Variants in DDX42 observed in about 807,000 individuals in gnomAD.
DDX42 encodes the protein ATP-dependent RNA helicase DDX42.
A neutral mutation model predicts 101.5 loss-of-function variants in DDX42; 22 were observed. The observed-to-expected ratio is 0.22, with a 90% CI of 0.15 to 0.31. The LOEUF (loss-of-function observed/expected upper bound fraction) is 0.31. Ranked by LOEUF, DDX42 falls within the 10% of genes least tolerant of loss-of-function variation. The pLI is 1.00. For missense variants in DDX42, 849 were observed against 1,199.9 expected, an observed-to-expected ratio of 0.71 and a Z score of 4.32; for synonymous variants, 402 against 401.2, an observed-to-expected ratio of 1.00 and a Z score of -0.02.
At chr17:63,777,450 CTT>C (rs1336711645) in intron 1 of DDX42, among the ~76,000 whole-genome samples, 24 of 139,156 alleles carry the variant, frequency 1.7e-4, no homozygotes, top group Non-Finnish European at 2.2e-4. Flanking sequence ...CTTTTTCTTT[CTT>C]TTTTTTTTTT....
At chr17:63,809,893 TTC>T (rs762018149) in intron 11 of DDX42, among the ~76,000 whole-genome samples, 2 of 152,216 alleles carry the variant, frequency 1.3e-5, no homozygotes, top group African/African-American at 4.8e-5. Flanking sequence ...GGGGAATATT[TTC>T]TCTGTCTTCA....
intron 1 of DDX42, among the ~76,000 whole-genome samples, chr17:63,786,262 G>C (rs1441323276): frequency 6.6e-6 from 1 of 152,108 alleles, no homozygotes; most frequent in Non-Finnish European, 1.5e-5. Context: ...TTAAGAGACA[G>C]GATTTCACTA....
chr17:63,794,627 C>A (rs941772760), intron 3 of DDX42, among the ~76,000 whole-genome samples: 1 of 143,374 alleles, frequency 7.0e-6, no homozygotes, highest in Non-Finnish European at 1.5e-5. Context: ...ATAGTGAGAC[C>A]CTGTCTATAA....
chr17:63,793,077 T>C (rs1418427085), intron 3 of DDX42, among the ~76,000 whole-genome samples: 1 of 152,200 alleles, frequency 6.6e-6, no homozygotes, highest in Non-Finnish European at 1.5e-5. Context: ...CTTTCTGTTT[T>C]CTGTTTGTTT....
chr17:63,806,354 A>G, intron 7 of DDX42, 181 bp from the exon 8 acceptor site: 1 of 437,866 alleles, frequency 2.3e-6, no homozygotes, highest in Non-Finnish European at 3.8e-6. Flanking sequence ...AGTTTTTAAT[A>G]TGAGGTTTAT....
chr17:63,813,411 C>G lies in DDX42; in HGVS notation c.1859C>G (p.Ala620Gly). 1.2e-6 allele frequency: 2 copies of G among 1,614,116 alleles called. No individual in the cohort carries two copies. The highest frequency in any genetic ancestry group is 1.3e-5 in the African/African-American group (1 of 75,018). ...AGDLVRNLEG[A>G]NQHVSKELLD... ...GACCTGGTCCGGAACTTGGAAGGAG[C>G]CAATCAACACGTTTCTAAGGAACTC... Residue 620 changes from alanine to glycine, a missense_variant, in exon 15 of 18, where the codon GCC (alanine) becomes GGC (glycine). Ala to Gly is a moderately conservative substitution (Grantham distance 60). Around this residue, in one of 5 missense-constraint regions of DDX42, gnomAD observed 86 missense variants for 160.8 expected, o/e 0.53. Coordinates refer to ENST00000389924, the MANE Select transcript of DDX42 (RefSeq NM_203499.3).
chr17:63,778,059 G>T (rs963161709), intron 1 of DDX42, among the ~76,000 whole-genome samples: 4 of 152,186 alleles, frequency 2.6e-5, no homozygotes, highest in African/African-American at 9.7e-5. Context: ...AGAAATGTGT[G>T]TTCTGGAAGA....
chr17:63,813,380 G>A lies in DDX42; in HGVS notation c.1828G>A (p.Ala610Thr). 1 of 1,614,156 alleles carries A rather than the reference G, an allele frequency of 6.2e-7. No individual in the cohort carries two copies. The highest frequency in any genetic ancestry group is 2.2e-5 in the East Asian group (1 of 44,884). Residue 610 changes from alanine (A) to threonine (T), a missense_variant, in exon 15 of 18, where the codon GCT (alanine) becomes ACT (threonine). By Grantham distance (58) the Ala-to-Thr change is moderately conservative. Around this residue, in one of 5 missense-constraint regions of DDX42, gnomAD observed 86 missense variants for 160.8 expected, o/e 0.53. Coordinates refer to ENST00000389924, the MANE Select transcript of DDX42 (RefSeq NM_203499.3). ...ACTCACTCCCAAGGACAGCAATTTT[G>A]CTGGTGACCTGGTCCGGAACTTGGA... ...TLLTPKDSNFAGDLVRNLEGA... is the reference protein window; with the variant it reads ...TLLTPKDSNFTGDLVRNLEGA...
intron 1 of DDX42, among the ~76,000 whole-genome samples, chr17:63,781,651 C>G (rs1462736452): frequency 2.0e-5 from 3 of 152,156 alleles, no homozygotes; most frequent in South Asian, 2.1e-4. Context: ...AATCCCTGTT[C>G]CATCTGAAGT....
At chr17:63,799,149 A>G (rs753095987) in intron 4 of DDX42, among the ~76,000 whole-genome samples, 1 of 152,170 alleles carries the variant, frequency 6.6e-6, no homozygotes, top group African/African-American at 2.4e-5. Context: ...GCTGAAAACC[A>G]TTTACCCTAG....
chr17:63,791,300 C>G (rs972683110), intron 2 of DDX42, among the ~76,000 whole-genome samples: 4 of 152,006 alleles, frequency 2.6e-5, no homozygotes, highest in African/African-American at 9.7e-5. Flanking sequence ...TTGGATTGAG[C>G]ATTTATTTTC....
chr17:63,804,910 A>C, intron 6 of DDX42, 161 bp from the exon 7 acceptor site: 1 of 813,220 alleles, frequency 1.2e-6, no homozygotes, highest in Non-Finnish European at 1.8e-6. Flanking sequence ...AACTAGCTAT[A>C]CTTTTTAGGA....
intron 1 of DDX42, among the ~76,000 whole-genome samples, chr17:63,785,604 A>T (rs1444508766): frequency 8.0e-4 from 15 of 18,680 alleles, no homozygotes; most frequent in African/African-American, 5.2e-3. Context: ...CTGTTCCTTA[A>T]AAAAAAAAAA....
intron 2 of DDX42, among the ~76,000 whole-genome samples, chr17:63,788,310 C>CTTTT (rs370584285): frequency 8.2e-6 from 1 of 121,484 alleles, no homozygotes. Flanking sequence ...ACATCTGAGT[C>CTTTT]TTTTTTTTTT....
chr17:63,815,513 C>T lies in DDX42; in HGVS notation c.1903-50C>T, dbSNP rs369903511. On this transcript the variant is annotated intron_variant, in intron 15 of 17. Coordinates refer to ENST00000389924, the MANE Select transcript of DDX42 (RefSeq NM_203499.3). The stretch of plus-strand genomic sequence containing the variant: ...TCCTCTTTGTCCTCGTTCTCTTCTT[C>T]TGTTCTTTTCTCCCTCCCTTGACTT... 5.5e-5 allele frequency: 77 copies of T among 1,393,180 alleles called. 1 individual carries two copies. The African/African-American group carries it at 1.1e-3, about 19-fold the overall frequency. The allele number at this position is 1,393,180 out of a possible 1,614,324, so 86.3% of individuals were successfully genotyped here.
intron 13 of DDX42, 39 bp from the exon 14 acceptor site, chr17:63,811,893 C>G (rs2144585084): frequency 8.7e-6 from 14 of 1,613,664 alleles, no homozygotes; most frequent in Non-Finnish European, 1.2e-5. Context: ...CCCTGTGGCT[C>G]CAATGTCACA....
At chr17:63,792,861 C>T (rs956374987) in intron 3 of DDX42, among the ~76,000 whole-genome samples, 13 of 152,018 alleles carry the variant, frequency 8.6e-5, no homozygotes, top group African/African-American at 3.1e-4. Context: ...AATTAATATT[C>T]AATCTAGCAT....
At chr17:63,775,665 G>GTGTGAAGACCA in intron 1 of DDX42, among the ~76,000 whole-genome samples, 1 of 152,262 alleles carries the variant, frequency 6.6e-6, no homozygotes, top group East Asian at 1.9e-4. Context: ...CCCGTTAAGA[G>GTGTGAAGACCA]TGTGAAGACC....
At chr17:63,783,884 G>A (rs553943086) in intron 1 of DDX42, among the ~76,000 whole-genome samples, 4 of 152,044 alleles carry the variant, frequency 2.6e-5, no homozygotes, top group East Asian at 3.9e-4. Flanking sequence ...CTAACATAAC[G>A]AAACCCCATC....
Sources: allele counts gnomAD v4.1 joint callset (sites outside exome capture counted in the v4.1 genomes callset), GRCh38; gene constraint gnomAD v4.1.1; regional missense constraint gnomAD v4.1.1; transcripts MANE v1.5; gene names NCBI Gene and HGNC (gene_info 2026-07-23, HGNC 2026-07-21).